Variants in ZHX2 observed in about 807,000 individuals in gnomAD.
The protein encoded by ZHX2 is zinc fingers and homeoboxes protein 2.
In ZHX2, 6 loss-of-function variants were observed where a neutral mutation model predicts 21.9. The observed-to-expected ratio is 0.27, with a 90% CI of 0.15 to 0.54. The LOEUF (loss-of-function observed/expected upper bound fraction) is 0.54. ZHX2 is among the 20% of genes least tolerant of loss of function. ZHX2 has a pLI of 0.95. For missense variants in ZHX2, 908 were observed against 1,090.7 expected, an observed-to-expected ratio of 0.83 and a Z score of 2.36; for synonymous variants, 434 against 437.1, an observed-to-expected ratio of 0.99 and a Z score of 0.09.
chr8:122,804,940 C>T (rs756370942), intron 1 of ZHX2, among the ~76,000 whole-genome samples: 13 of 152,194 alleles, frequency 8.5e-5, no homozygotes, highest in Non-Finnish European at 1.6e-4. Flanking sequence ...TGCCTGAATA[C>T]GTGCATAGCA....
intron 2 of ZHX2, among the ~76,000 whole-genome samples, chr8:122,879,280 C>T (rs1225277878): frequency 2.6e-5 from 4 of 152,110 alleles, no homozygotes; most frequent in Non-Finnish European, 5.9e-5. Flanking sequence ...GATCTTGGCT[C>T]ACTGCAACCT....
chr8:122,902,666 C>T (rs1820259361), intron 2 of ZHX2, among the ~76,000 whole-genome samples: 1 of 152,170 alleles, frequency 6.6e-6, no homozygotes, highest in African/African-American at 2.4e-5. Context: ...TCAAGTCCTT[C>T]ATCCATGAGA....
chr8:122,822,488 G>T (rs1563742555), intron 1 of ZHX2, among the ~76,000 whole-genome samples: 1 of 152,198 alleles, frequency 6.6e-6, no homozygotes, highest in African/African-American at 2.4e-5. Context: ...GGCCTGATGT[G>T]CTATAAAAAC....
intron 1 of ZHX2, among the ~76,000 whole-genome samples, chr8:122,824,466 G>T (rs1483543248): frequency 1.3e-5 from 2 of 152,188 alleles, no homozygotes; most frequent in Admixed American, 6.5e-5. Flanking sequence ...CATGCTCGGG[G>T]ACGTGCTGTT....
At chr8:122,947,507 G>A (rs987432853) in intron 2 of ZHX2, among the ~76,000 whole-genome samples, 2 of 152,214 alleles carry the variant, frequency 1.3e-5, no homozygotes, top group Non-Finnish European at 2.9e-5. Context: ...GGGCAGAATG[G>A]TTCTGCACAG....
chr8:122,842,190 T>C (rs569999270), intron 1 of ZHX2, among the ~76,000 whole-genome samples: 28 of 152,312 alleles, frequency 1.8e-4, no homozygotes, highest in Admixed American at 1.6e-3. Flanking sequence ...GTTTCCCTAG[T>C]TGGAAAATGA....
At chr8:122,927,209 C>G (rs927869974) in intron 2 of ZHX2, among the ~76,000 whole-genome samples, 1 of 152,032 alleles carries the variant, frequency 6.6e-6, no homozygotes, top group Non-Finnish European at 1.5e-5. Flanking sequence ...AAAGATATAC[C>G]CCAGGCCAGG....
chr8:122,831,013 A>C (rs1480674120), intron 1 of ZHX2, among the ~76,000 whole-genome samples: 1 of 152,140 alleles, frequency 6.6e-6, no homozygotes, highest in Non-Finnish European at 1.5e-5. Flanking sequence ...TTAAGGATGT[A>C]GAGTCGCCTT....
At chr8:122,809,025 G>T (rs1431603243) in intron 1 of ZHX2, 1 of 152,230 alleles carries the variant, frequency 6.6e-6, no homozygotes, top group Non-Finnish European at 1.5e-5. Flanking sequence ...AACAGAGATG[G>T]TGATAAATGC....
At chr8:122,935,070 C>T (rs916352199) in intron 2 of ZHX2, among the ~76,000 whole-genome samples, 4 of 151,996 alleles carry the variant, frequency 2.6e-5, no homozygotes, top group Admixed American at 6.6e-5. Flanking sequence ...TTTTTTTATC[C>T]ACTTTATAAA....
intron 1 of ZHX2, among the ~76,000 whole-genome samples, chr8:122,860,490 T>C (rs1303987901): frequency 6.6e-6 from 1 of 152,236 alleles, no homozygotes; most frequent in Non-Finnish European, 1.5e-5. Context: ...TCACAATTCA[T>C]GCAACTCTTT....
intron 2 of ZHX2, among the ~76,000 whole-genome samples, chr8:122,932,187 G>A (rs1821011122): frequency 6.6e-6 from 1 of 152,226 alleles, no homozygotes; most frequent in Non-Finnish European, 1.5e-5. Flanking sequence ...TTCCTAAGAG[G>A]TGGAGTGGAG....
In ZHX2 at chr8:122,781,861, G is replaced by A. The variant is rs1817293344; in HGVS notation, c.-368G>A. On this transcript the variant is annotated 5_prime_UTR_variant, in exon 1 of 4. Coordinates refer to ENST00000314393, the MANE Select transcript of ZHX2 (RefSeq NM_014943.5). The surrounding 1 kb of genome is among the most constrained non-coding windows in gnomAD (Gnocchi z 4.6). ...GGTGGGGAGTGGGGAGTGGGTGGGG[G>A]GAGCCAGCAGAGTTCCATTTTGGAA... 6.6e-6 allele frequency: 1 copy of A among 152,274 alleles called. No homozygotes were observed. Among genetic ancestry groups the A allele is most frequent in the Admixed American group, 6.5e-5 (1 of 15,268 alleles). The allele number at this position is 152,274 out of a possible 1,614,324, so 9.4% of individuals were successfully genotyped here. A position where few individuals can be genotyped will look rare whatever the true frequency, so the allele number is the denominator to read the frequency against.
intron 2 of ZHX2, among the ~76,000 whole-genome samples, chr8:122,933,120 A>G (rs11781402): frequency 0.056 from 8,524 of 152,294 alleles, 316 homozygotes; most frequent in Non-Finnish European, 0.087. Flanking sequence ...TCTGACAGAC[A>G]GAATCTAAGA....
At chr8:122,867,877 A>G (rs1383670952) in intron 2 of ZHX2, among the ~76,000 whole-genome samples, 1 of 152,204 alleles carries the variant, frequency 6.6e-6, no homozygotes, top group Non-Finnish European at 1.5e-5. Flanking sequence ...ATGATGTTAC[A>G]GATAGATTTT....
At position 122,787,650 on chromosome 8, in the gene ZHX2, G is replaced by A. The variant is rs79032780; in HGVS notation, c.-283+5704G>A. Among the ~76,000 whole-genome samples, 980 of 152,310 alleles carry A rather than the reference G, an allele frequency of 6.4e-3. 14 individuals carry two copies. The highest frequency in any genetic ancestry group is 0.043 in the East Asian group (222 of 5,172). ...TGGGGCTTCGGGGAGTAGCCAAATT[G>A]AGTTAGCTCTTTCTTTGGGAGGAAA... is the stretch of plus-strand genomic sequence containing the variant. On this transcript the variant is annotated intron_variant, in intron 1 of 3. Coordinates refer to ENST00000314393, the MANE Select transcript of ZHX2 (RefSeq NM_014943.5).
chr8:122,955,095 T>G, intron 3 of ZHX2, among the ~76,000 whole-genome samples: 1 of 139,004 alleles, frequency 7.2e-6, no homozygotes, highest in African/African-American at 2.8e-5. Flanking sequence ...GCAGGGCGGT[T>G]TCCATGGTTA....
At chr8:122,916,000 C>CGGGCCA (rs1563581853) in intron 2 of ZHX2, among the ~76,000 whole-genome samples, 7 of 152,190 alleles carry the variant, frequency 4.6e-5, no homozygotes, top group Non-Finnish European at 1.0e-4. Context: ...CCAGCAGACT[C>CGGGCCA]TAGTTCCCGG....
chr8:122,835,282 G>A (rs933021189), intron 1 of ZHX2, among the ~76,000 whole-genome samples: 5 of 152,246 alleles, frequency 3.3e-5, no homozygotes, highest in African/African-American at 1.2e-4. Context: ...AAGTAAGGGC[G>A]GGGCATGGGC....
Sources: gnomAD v4.1 joint callset for allele counts (sites outside exome capture counted in the v4.1 genomes callset) on GRCh38, gnomAD v4.1.1 for gene constraint, Gnocchi (gnomAD v3.1) non-coding constraint, MANE v1.5 for transcripts, NCBI Gene and HGNC (gene_info 2026-07-23, HGNC 2026-07-21) for gene names.